PTPN9: variants seen among roughly 807,000 people sequenced by gnomAD.
The protein encoded by PTPN9 is tyrosine-protein phosphatase non-receptor type 9.
In PTPN9, 26 loss-of-function variants were observed where a neutral mutation model predicts 69.8. The ratio of observed to expected loss-of-function variants is 0.37; its 90% CI spans 0.27 to 0.52. PTPN9 has a LOEUF of 0.52. Among genes scored for constraint, PTPN9 ranks in the 20% least tolerant of loss-of-function variants. The pLI, the probability that PTPN9 is intolerant of heterozygous loss-of-function variation, is 0.91. For missense variants in PTPN9, 549 were observed against 740.3 expected, an observed-to-expected ratio of 0.74 and a Z score of 3.00; for synonymous variants, 274 against 272.5, an observed-to-expected ratio of 1.01 and a Z score of -0.05.
At chr15:75,578,526 C>T (rs987827635) in intron 1 of PTPN9, among the ~76,000 whole-genome samples, 188 bp downstream of exon 1, 20 of 152,122 alleles carry the variant, frequency 1.3e-4, no homozygotes, top group African/African-American at 4.8e-4. Flanking sequence ...GAGTAGGGTC[C>T]CGTGGGTCCC....
chr15:75,477,946 T>C (rs1004196478), intron 9 of PTPN9, among the ~76,000 whole-genome samples: 3 of 147,972 alleles, frequency 2.0e-5, no homozygotes, highest in African/African-American at 7.4e-5. Context: ...GTTCAAGCAA[T>C]TCTCCTGCCT....
chr15:75,511,806 A>G (rs2074846389), intron 5 of PTPN9, among the ~76,000 whole-genome samples: 1 of 151,978 alleles, frequency 6.6e-6, no homozygotes, highest in Admixed American at 6.6e-5. Flanking sequence ...TTTCAGGCCT[A>G]AATAATCCTG....
chr15:75,519,636 T>G (rs2074892332), intron 4 of PTPN9, among the ~76,000 whole-genome samples: 1 of 151,806 alleles, frequency 6.6e-6, no homozygotes, highest in African/African-American at 2.4e-5. Context: ...ATTTCTTTAC[T>G]TATTTTTTAA....
Position 75,565,523 on chromosome 15 carries a change from C to T in PTPN9, c.63+13191G>A, listed in dbSNP as rs1300738170. 2.0e-5 allele frequency among the ~76,000 whole-genome samples: 3 copies of T among 152,250 alleles called. No homozygotes were observed. The East Asian group carries it at 5.8e-4, about 29-fold the overall frequency. On this transcript the variant is annotated intron_variant, in intron 1 of 12. Transcript: ENST00000618819. ...TTTAGCAGCATTCCTGACCTCTATCCACTAGATGCCAGTACCACCTCCCAC... is the reference window on the plus strand; with the variant it reads ...TTTAGCAGCATTCCTGACCTCTATCTACTAGATGCCAGTACCACCTCCCAC...
At chr15:75,559,381 T>C (rs910632134) in intron 1 of PTPN9, among the ~76,000 whole-genome samples, 3 of 152,122 alleles carry the variant, frequency 2.0e-5, no homozygotes, top group African/African-American at 7.2e-5. Context: ...GCTGTGTCTG[T>C]GTAGAAAGAA....
chr15:75,501,669 G>T (rs2074773440), intron 7 of PTPN9, among the ~76,000 whole-genome samples: 1 of 151,740 alleles, frequency 6.6e-6, no homozygotes, highest in African/African-American at 2.4e-5. Flanking sequence ...TGCTGCTCAG[G>T]TTAGTCTCAA....
chr15:75,496,496 AAC>A (rs2074742736), intron 7 of PTPN9, among the ~76,000 whole-genome samples: 3 of 96,004 alleles, frequency 3.1e-5, no homozygotes, highest in African/African-American at 1.9e-4. Context: ...AAGTATTATT[AAC>A]TTTTTTTTTT....
intron 8 of PTPN9, among the ~76,000 whole-genome samples, chr15:75,482,288 G>C (rs1208602923): frequency 6.6e-6 from 1 of 152,016 alleles, no homozygotes; most frequent in African/African-American, 2.4e-5. Flanking sequence ...TCACCAGGCC[G>C]GGCGCGGTGG....
rs115742394 is a variant in PTPN9, at chr15:75,562,152, C to T, written c.63+16562G>A. 3.2e-3 allele frequency among the ~76,000 whole-genome samples: 484 copies of T among 152,246 alleles called. 1 individual carries two copies. Among genetic ancestry groups the T allele is most frequent in the African/African-American group, 0.011 (456 of 41,536 alleles). On this transcript the variant is annotated intron_variant, in intron 1 of 12. Transcript: ENST00000618819. ...ACAGGCATGACCCACTGCGCCTGGCCAAGATGGATTTTCATAAAGGCAAAG... is the reference window on the plus strand; with the variant it reads ...ACAGGCATGACCCACTGCGCCTGGCTAAGATGGATTTTCATAAAGGCAAAG...
At chr15:75,507,640 G>A (rs186016688) in intron 6 of PTPN9, among the ~76,000 whole-genome samples, 272 of 151,946 alleles carry the variant, frequency 1.8e-3, no homozygotes, top group African/African-American at 6.0e-3. Flanking sequence ...GACAGCACAC[G>A]CCTGTAGTCC....
At chr15:75,521,084 C>G in intron 4 of PTPN9, among the ~76,000 whole-genome samples, 1 of 152,108 alleles carries the variant, frequency 6.6e-6, no homozygotes, top group East Asian at 1.9e-4. Context: ...CTTCTGGGCT[C>G]AAGCGATCCT....
At chr15:75,483,562 G>C (rs1287920604) in intron 8 of PTPN9, among the ~76,000 whole-genome samples, 1 of 152,202 alleles carries the variant, frequency 6.6e-6, no homozygotes, top group East Asian at 1.9e-4. Context: ...GAAATAGGTA[G>C]CGACTGCCAA....
Position 75,468,698 on chromosome 15 carries a change from A to C in PTPN9, c.*71T>G. On this transcript the variant is annotated 3_prime_UTR_variant, in exon 13 of 13. Transcript: ENST00000618819. ...CATGGCTTCAGCGTAACTGATGGCA[A>C]CCTATAGGCTCAGCGGTGTCCAGGG... 1 of 1,383,924 alleles carries C rather than the reference A, an allele frequency of 7.2e-7. No individual in the cohort carries two copies. The highest frequency in any genetic ancestry group is 1.0e-6 in the Non-Finnish European group (1 of 996,700). The allele number at this position is 1,383,924 out of a possible 1,614,324, so 85.7% of individuals were successfully genotyped here.
chr15:75,532,315 T>C (rs953833008), intron 1 of PTPN9, among the ~76,000 whole-genome samples: 1 of 151,654 alleles, frequency 6.6e-6, no homozygotes, highest in Non-Finnish European at 1.5e-5. Flanking sequence ...GGCAGTAGAA[T>C]CGCTTGAACC....
At chr15:75,509,483 G>A (rs1315585285) in intron 5 of PTPN9, among the ~76,000 whole-genome samples, 1 of 152,176 alleles carries the variant, frequency 6.6e-6, no homozygotes, top group African/African-American at 2.4e-5. Flanking sequence ...GAGGTTGGGA[G>A]TTCAAGACCA....
chr15:75,505,436 A>G (rs1290940662), intron 7 of PTPN9, among the ~76,000 whole-genome samples: 3 of 150,026 alleles, frequency 2.0e-5, no homozygotes, highest in African/African-American at 7.4e-5. Context: ...TCTGCGAGAA[A>G]CACCCAAGAA....
At chr15:75,547,130 C>T (rs1193829937) in intron 1 of PTPN9, among the ~76,000 whole-genome samples, 1 of 151,536 alleles carries the variant, frequency 6.6e-6, no homozygotes, top group South Asian at 2.1e-4. Context: ...TTTGTCTCTA[C>T]TAAAAATACA....
rs2074528757 is a variant in PTPN9 at position 75,464,408 on chromosome 15, T to C, written c.*4361A>G. On this transcript the variant is annotated 3_prime_UTR_variant, in exon 13 of 13. Coordinates refer to ENST00000618819, the MANE Select transcript of PTPN9 (RefSeq NM_002833.4). ...CAGAGTGAGACTCTGTCTCTGAAAG[T>C]AAAAAAAATGAAAAGTGGGGAGTGC... 1.3e-5 allele frequency: 2 copies of C among 151,364 alleles called. No individual in the cohort carries two copies. The highest frequency in any genetic ancestry group is 2.9e-5 in the Non-Finnish European group (2 of 67,952). The allele number at this position is 151,364 out of a possible 1,614,324, so 9.4% of individuals were successfully genotyped here. A position where few individuals can be genotyped will look rare whatever the true frequency, so the allele number is the denominator to read the frequency against.
At chr15:75,544,232 C>T (rs539895725) in intron 1 of PTPN9, among the ~76,000 whole-genome samples, 27 of 152,202 alleles carry the variant, frequency 1.8e-4, no homozygotes, top group African/African-American at 5.8e-4. Flanking sequence ...CGAAACCTGC[C>T]GAGTAAACAA....
Sources: gnomAD v4.1 joint callset for allele counts (sites outside exome capture counted in the v4.1 genomes callset) on GRCh38, gnomAD v4.1.1 for gene constraint, MANE v1.5 for transcripts, NCBI Gene and HGNC (gene_info 2026-07-23, HGNC 2026-07-21) for gene names.